HOOK3: variants seen among roughly 807,000 people sequenced by gnomAD.
HOOK3 encodes protein Hook homolog 3.
In HOOK3, 24 loss-of-function variants were observed where a neutral mutation model predicts 116.3. The ratio of observed to expected loss-of-function variants is 0.21; its 90% CI spans 0.15 to 0.29. HOOK3 has a LOEUF of 0.29. HOOK3 is among the 10% of genes least tolerant of loss of function. HOOK3 has a pLI of 1.00. For missense variants in HOOK3, 632 were observed against 830.2 expected, an observed-to-expected ratio of 0.76 and a Z score of 2.93; for synonymous variants, 275 against 283.0, an observed-to-expected ratio of 0.97 and a Z score of 0.28.
Position 43,025,686 on chromosome 8 carries a change from C to T in HOOK3, c.*7188C>T, listed in dbSNP as rs1809919891. 4.7e-6 allele frequency: 1 copy of T among 214,498 alleles called. No homozygotes were observed. Among genetic ancestry groups the T allele is most frequent in the African/African-American group, 2.3e-5 (1 of 44,180 alleles). 13.3% of individuals were successfully genotyped at this position (214,498 alleles called of 1,614,324 possible). ...TAAAGCTGAGAAAGTGATTTTAGGTCGCCAAGGATACTATGATTTGATGAG... is the reference window on the plus strand; with the variant it reads ...TAAAGCTGAGAAAGTGATTTTAGGTTGCCAAGGATACTATGATTTGATGAG... On this transcript the variant is annotated 3_prime_UTR_variant, in exon 22 of 22. Coordinates refer to ENST00000307602, the MANE Select transcript of HOOK3 (RefSeq NM_032410.4).
intron 5 of HOOK3, among the ~76,000 whole-genome samples, chr8:42,944,249 T>C (rs1808182386): frequency 6.6e-6 from 1 of 150,630 alleles, no homozygotes; most frequent in Non-Finnish European, 1.5e-5. Flanking sequence ...ACCCCATCTC[T>C]ACCAGAAAAA....
At chr8:42,947,319 C>A (rs1037833591) in intron 5 of HOOK3, among the ~76,000 whole-genome samples, 1 of 151,982 alleles carries the variant, frequency 6.6e-6, no homozygotes, top group African/African-American at 2.4e-5. Flanking sequence ...CTTATGTATC[C>A]TTTTAGGAAA....
At chr8:42,900,810 C>T (rs1365417952) in intron 1 of HOOK3, among the ~76,000 whole-genome samples, 2 of 152,202 alleles carry the variant, frequency 1.3e-5, no homozygotes, top group African/African-American at 4.8e-5. Context: ...GCTAACTTCA[C>T]CAGAGATTCT....
rs117214390 is a variant in HOOK3 at position 42,929,223 on chromosome 8, G to A, written c.217-899G>A. ...CATATTATATGCATTTTCCATATCT[G>A]CAAATTTTTGTAGATGTTTAAGCAT... is the stretch of plus-strand genomic sequence containing the variant. On this transcript the variant is annotated intron_variant, in intron 3 of 21. Coordinates refer to ENST00000307602, the MANE Select transcript of HOOK3 (RefSeq NM_032410.4). Among the ~76,000 whole-genome samples the A allele has an allele frequency of 4.8e-3, 737 of 152,202 alleles. 8 individuals carry two copies. Among genetic ancestry groups the A allele is most frequent in the Middle Eastern group, 0.014 (4 of 294 alleles).
chr8:43,016,280 G>A (rs1489462197), intron 21 of HOOK3, among the ~76,000 whole-genome samples: 1 of 151,956 alleles, frequency 6.6e-6, no homozygotes, highest in Admixed American at 6.6e-5. Context: ...ACCACGCCTG[G>A]CTAATTTTTT....
At chr8:43,016,167 G>C (rs1466548247) in intron 21 of HOOK3, among the ~76,000 whole-genome samples, 1 of 150,246 alleles carries the variant, frequency 6.7e-6, no homozygotes, top group Non-Finnish European at 1.5e-5. Context: ...GCCCAGGCTG[G>C]AGTGCAGTGG....
chr8:42,945,499 C>T (rs1808209724), intron 5 of HOOK3, among the ~76,000 whole-genome samples: 2 of 152,036 alleles, frequency 1.3e-5, no homozygotes, highest in African/African-American at 4.8e-5. Context: ...TTAGTAGAGG[C>T]AGGGTTTCAT....
At chr8:43,014,591 C>A (rs1232569394) in intron 21 of HOOK3, among the ~76,000 whole-genome samples, 4 of 151,938 alleles carry the variant, frequency 2.6e-5, no homozygotes, top group African/African-American at 7.2e-5. Flanking sequence ...ACCTTGTGAT[C>A]CACCTGCCTT....
At chr8:42,996,385 C>CAAA (rs529268164) in intron 15 of HOOK3, among the ~76,000 whole-genome samples, 1 of 55,922 alleles carries the variant, frequency 1.8e-5, no homozygotes, top group African/African-American at 5.8e-5. Context: ...GACTCCGTCT[C>CAAA]AAAAAAAAAA....
At chr8:42,950,690 A>ATT (rs34792973) in intron 6 of HOOK3, among the ~76,000 whole-genome samples, 10 of 147,408 alleles carry the variant, frequency 6.8e-5, no homozygotes, top group Non-Finnish European at 1.4e-4. Context: ...CTATTCCTAA[A>ATT]TTTTTTTTTT....
chr8:42,993,338 G>A (rs372018746), intron 15 of HOOK3, among the ~76,000 whole-genome samples: 1 of 152,194 alleles, frequency 6.6e-6, no homozygotes, highest in South Asian at 2.1e-4. Flanking sequence ...GTAGAGCCAG[G>A]TTTTCACCGT....
intron 1 of HOOK3, among the ~76,000 whole-genome samples, chr8:42,900,532 G>T (rs1363164745): frequency 6.6e-6 from 1 of 152,068 alleles, no homozygotes; most frequent in Non-Finnish European, 1.5e-5. Flanking sequence ...AGAATTGGGG[G>T]TGGTATAATT....
intron 1 of HOOK3, among the ~76,000 whole-genome samples, chr8:42,901,244 GCTT>G (rs1807183103): frequency 6.6e-6 from 1 of 152,150 alleles, no homozygotes; most frequent in Non-Finnish European, 1.5e-5. Context: ...TGGTAATAGA[GCTT>G]CTTGGAATTA....
intron 13 of HOOK3, among the ~76,000 whole-genome samples, chr8:42,980,959 G>A (rs1808928753): frequency 6.6e-6 from 1 of 152,050 alleles, no homozygotes; most frequent in South Asian, 2.1e-4. Context: ...GTGTTGCCTC[G>A]GGACTCTGCA....
At chr8:42,990,674 G>T (rs2130457817) in intron 15 of HOOK3, among the ~76,000 whole-genome samples, 1 of 152,084 alleles carries the variant, frequency 6.6e-6, no homozygotes, top group South Asian at 2.1e-4. Flanking sequence ...CGGATTATTG[G>T]AGTTTTTCCT....
At chr8:42,904,786 C>T (rs962620328) in intron 1 of HOOK3, among the ~76,000 whole-genome samples, 2 of 152,146 alleles carry the variant, frequency 1.3e-5, no homozygotes, top group African/African-American at 2.4e-5. Context: ...GTTTCTTCCT[C>T]CAATTCTTAC....
chr8:43,014,648 C>T (rs912119961), intron 21 of HOOK3, among the ~76,000 whole-genome samples: 2 of 152,068 alleles, frequency 1.3e-5, no homozygotes, highest in Non-Finnish European at 2.9e-5. Context: ...CGCACCCAGC[C>T]CCAGATTCCT....
intron 2 of HOOK3, among the ~76,000 whole-genome samples, chr8:42,919,515 G>A (rs1035984022): frequency 1.6e-4 from 24 of 152,228 alleles, no homozygotes; most frequent in African/African-American, 5.5e-4. Context: ...GCCAGGCAGA[G>A]ACGCTCCTCA....
intron 2 of HOOK3, among the ~76,000 whole-genome samples, chr8:42,907,319 C>T (rs1411741256): frequency 6.6e-6 from 1 of 152,198 alleles, no homozygotes; most frequent in East Asian, 1.9e-4. Flanking sequence ...TTCAGATTAT[C>T]TGTCTCTTTG....
Sources: gnomAD v4.1 joint callset for allele counts (sites outside exome capture counted in the v4.1 genomes callset) on GRCh38, gnomAD v4.1.1 for gene constraint, MANE v1.5 for transcripts, NCBI Gene and HGNC (gene_info 2026-07-23, HGNC 2026-07-21) for gene names.